The following LPL variants were observed in gnomAD, a reference collection of about 807,000 sequenced individuals.
The protein encoded by LPL is phospholipase A1.
A neutral mutation model predicts 52.2 loss-of-function variants in LPL; 43 were observed. The observed-to-expected ratio is 0.82, with a 90% confidence interval of 0.64 to 1.06. The LOEUF (loss-of-function observed/expected upper bound fraction) is 1.06, where lower values mean the gene tolerates loss of function less well. LPL is among the 50% of genes least tolerant of loss of function. LPL has a pLI of 0.00. For missense variants in LPL, 639 were observed against 585.3 expected (o/e 1.09, Z -0.95); for synonymous variants, 244 against 215.6 (o/e 1.13, Z -1.15).
chr8:19,946,092 G>A (rs2069879728), intron 1 of LPL, among the ~76,000 whole-genome samples: 1 of 152,100 alleles, frequency 6.6e-6, no homozygotes, highest in Non-Finnish European at 1.5e-5. Context: ...TTCTGGTTGG[G>A]AAGGAAGAAG....
At chr8:19,941,325 G>T (rs2069837141) in intron 1 of LPL, among the ~76,000 whole-genome samples, 1 of 152,144 alleles carries the variant, frequency 6.6e-6, no homozygotes, top group African/African-American at 2.4e-5. Context: ...GCACACCATA[G>T]AATAACGTCA....
chr8:19,962,900 A>T (rs1362231153), intron 9 of LPL, among the ~76,000 whole-genome samples: 1 of 152,204 alleles, frequency 6.6e-6, no homozygotes, highest in Non-Finnish European at 1.5e-5. Flanking sequence ...TACTGAGAGG[A>T]CACTAAGCAT....
intron 2 of LPL, 72 bp from the exon 3 acceptor site, chr8:19,951,697 G>T: frequency 3.3e-6 from 5 of 1,515,290 alleles, no homozygotes; most frequent in Non-Finnish European, 3.7e-6. Flanking sequence ...TTTCATGCAG[G>T]TGTATTGGGC....
intron 2 of LPL, among the ~76,000 whole-genome samples, chr8:19,949,294 T>C (rs901426141): frequency 1.3e-5 from 2 of 152,184 alleles, no homozygotes. Flanking sequence ...AGTGGCTTTG[T>C]TATTGACTGA....
At chr8:19,962,034 C>G (rs1265479423) in intron 8 of LPL, 81 bp from the exon 9 acceptor site, 15 of 924,678 alleles carry the variant, frequency 1.6e-5, no homozygotes, top group Non-Finnish European at 2.7e-5. Flanking sequence ...ATTATTTAAA[C>G]AGTCCTGACA....
chr8:19,965,594 T>C lies in LPL; in HGVS notation c.*284T>C, dbSNP rs911313003. ...GCTGTTTTGTCCTTTGAGAAAGAAA[T>C]AATTGTTTGAGCGCAGAGTAAAATA... On this transcript the variant is annotated 3_prime_UTR_variant, in exon 10 of 10. Transcript: ENST00000650287. 1.4e-5 allele frequency: 6 copies of C among 416,598 alleles called. No homozygotes were observed. Among genetic ancestry groups the C allele is most frequent in the Non-Finnish European group, 2.6e-5 (6 of 232,104 alleles). The allele number at this position is 416,598 out of a possible 1,614,324, so 25.8% of individuals were successfully genotyped here.
intron 7 of LPL, 67 bp from the exon 8 acceptor site, chr8:19,960,833 GA>G (rs985755619): frequency 2.6e-5 from 30 of 1,165,424 alleles, no homozygotes; most frequent in African/African-American, 1.1e-4. Context: ...TTGGAGAGGA[GA>G]AAAAAAAGTG....
intron 2 of LPL, among the ~76,000 whole-genome samples, chr8:19,951,437 AC>A (rs1369555742): frequency 6.6e-6 from 1 of 152,140 alleles, no homozygotes; most frequent in East Asian, 1.9e-4. Flanking sequence ...TTCCTCAAAG[AC>A]CCACTTTGCA....
rs2069951792 is a variant in LPL at position 19,953,373 on chromosome 8, G to T, written c.493G>T (p.Ala165Ser). ...GGGATACAGCCTTGGAGCCCATGCTGCTGGCATTGCAGGAAGTCTGACCAA... is the reference window on the plus strand; with the variant it reads ...GGGATACAGCCTTGGAGCCCATGCTTCTGGCATTGCAGGAAGTCTGACCAA... ...LLGYSLGAHAAGIAGSLTNKK... is the reference protein window; with the variant it reads ...LLGYSLGAHASGIAGSLTNKK... Residue 165 changes from alanine (A) to serine (S), a missense_variant, in exon 4 of 10, where the codon GCT becomes TCT. By Grantham distance (99) the Ala-to-Ser change is moderately conservative. Transcript: ENST00000650287. 5.0e-6 allele frequency: 8 copies of T among 1,614,038 alleles called. No homozygotes were observed. Among genetic ancestry groups the T allele is most frequent in the Admixed American group, 1.7e-5 (1 of 60,022 alleles).
chr8:19,946,994 C>G (rs2069886771), intron 1 of LPL, among the ~76,000 whole-genome samples: 1 of 152,096 alleles, frequency 6.6e-6, no homozygotes, highest in African/African-American at 2.4e-5. Flanking sequence ...CAAGTTTTGC[C>G]TTTGTGTGGA....
intron 5 of LPL, among the ~76,000 whole-genome samples, chr8:19,954,823 TTTTG>T (rs755896441): frequency 7.2e-5 from 11 of 152,308 alleles, no homozygotes; most frequent in Middle Eastern, 3.4e-3. Flanking sequence ...AATTTATGAT[TTTTG>T]TTTGTTTGTT....
chr8:19,956,147 C>T (rs2069983569), intron 6 of LPL, 64 bp downstream of exon 6: 1 of 1,601,690 alleles, frequency 6.2e-7, no homozygotes, highest in African/African-American at 1.3e-5. Context: ...CTCACTGCAT[C>T]ACATGTACTG....
chr8:19,957,376 G>A (rs756257055), intron 6 of LPL, among the ~76,000 whole-genome samples: 44 of 152,322 alleles, frequency 2.9e-4, no homozygotes, highest in South Asian at 1.0e-3. Flanking sequence ...CATGTGTAAG[G>A]TGATTCTTAG....
In LPL at chr8:19,965,637, G is replaced by A. The variant is rs888150524; in HGVS notation, c.*327G>A. 12 of 304,642 alleles carry A rather than the reference G, an allele frequency of 3.9e-5. No individual in the cohort carries two copies. The highest frequency in any genetic ancestry group is 8.6e-5 in the African/African-American group (4 of 46,644). The allele number at this position is 304,642 out of a possible 1,614,324, so 18.9% of individuals were successfully genotyped here. A position where few individuals can be genotyped will look rare whatever the true frequency, so the allele number is the denominator to read the frequency against. ...GTAAAATAAGGCTCCTTCATGTGGC[G>A]TATTGGGCCATAGCCTATAATTGGT... On this transcript the variant is annotated 3_prime_UTR_variant, in exon 10 of 10. Transcript: ENST00000650287.
intron 3 of LPL, among the ~76,000 whole-genome samples, chr8:19,952,423 G>C (rs1376734516): frequency 6.6e-6 from 1 of 152,184 alleles, no homozygotes; most frequent in Non-Finnish European, 1.5e-5. Context: ...AATTGAGCTA[G>C]GAAGATGTTG....
chr8:19,948,264 C>G lies in LPL; in HGVS notation c.173C>G (p.Pro58Arg). 4 of 1,614,076 alleles carry G rather than the reference C, an allele frequency of 2.5e-6. No individual in the cohort carries two copies. The highest frequency in any genetic ancestry group is 3.4e-6 in the Non-Finnish European group (4 of 1,180,004). Reference protein sequence around the residue: ...DTAEDTCHLIPGVAESVATCH... With the variant: ...DTAEDTCHLIRGVAESVATCH... Reference sequence around the variant, plus strand: ...GCTGAGGACACTTGCCACCTCATTCCCGGAGTAGCAGAGTCCGTGGCTACC... The same window carrying G: ...GCTGAGGACACTTGCCACCTCATTCGCGGAGTAGCAGAGTCCGTGGCTACC... The change falls in exon 2 of 10, where the codon CCC becomes CGC. Residue 58 changes from proline to arginine, a missense_variant. Transcript: ENST00000650287.
Position 19,950,421 on chromosome 8 carries a change from G to A in LPL, c.250-1348G>A, listed in dbSNP as rs1019316221. Among the ~76,000 whole-genome samples the A allele has an allele frequency of 6.6e-6, 1 of 152,186 alleles. No homozygotes were observed. Among genetic ancestry groups the A allele is most frequent in the Non-Finnish European group, 1.5e-5 (1 of 68,028 alleles). The stretch of plus-strand genomic sequence containing the variant: ...TATTTTATGTTGATCAGAAAGAAAG[G>A]ATTCAATTAGCTATTGTTCGGTTAA... On this transcript the variant is annotated intron_variant, in intron 2 of 9. Transcript: ENST00000650287. The surrounding 1 kb of genome is among the most constrained non-coding windows in gnomAD (Gnocchi z 4.2).
chr8:19,965,565 A>G lies in LPL; in HGVS notation c.*255A>G, dbSNP rs1479278486. 1.2e-5 allele frequency: 6 copies of G among 494,960 alleles called. No homozygotes were observed. Among genetic ancestry groups the G allele is most frequent in the Non-Finnish European group, 1.8e-5 (5 of 278,548 alleles). 30.7% of individuals were successfully genotyped at this position (494,960 alleles called of 1,614,324 possible). On this transcript the variant is annotated 3_prime_UTR_variant, in exon 10 of 10. Coordinates refer to ENST00000650287, the MANE Select transcript of LPL (RefSeq NM_000237.3). The stretch of plus-strand genomic sequence containing the variant: ...ACGTTAAAAGACAGTGGATCATGAA[A>G]AGTGCTGTTTTGTCCTTTGAGAAAG...
At chr8:19,941,821 T>G (rs1157391113) in intron 1 of LPL, among the ~76,000 whole-genome samples, 3 of 152,172 alleles carry the variant, frequency 2.0e-5, no homozygotes, top group African/African-American at 7.2e-5. Flanking sequence ...ACTTATTCAT[T>G]CTGGATTCTT....
Sources: gnomAD v4.1 joint callset for allele counts (sites outside exome capture counted in the v4.1 genomes callset) on GRCh38, gnomAD v4.1.1 for gene constraint, Gnocchi (gnomAD v3.1) non-coding constraint, MANE v1.5 for transcripts, NCBI Gene and HGNC (gene_info 2026-07-23, HGNC 2026-07-21) for gene names.